The following ASB4 variants were observed in gnomAD, a reference collection of about 807,000 sequenced individuals.
The protein encoded by ASB4 is ankyrin repeat and SOCS box protein 4.
Under a neutral mutation model 38.6 loss-of-function variants are expected in ASB4, and 35 were observed. The ratio of observed to expected loss-of-function variants is 0.91; its 90% confidence interval spans 0.69 to 1.20. The LOEUF is 1.20. Among genes scored for constraint, ASB4 ranks in the 50% most tolerant of loss-of-function variants. The pLI, the probability that ASB4 is intolerant of heterozygous loss-of-function variation, is 0.00. For synonymous variants in ASB4, 195 were observed against 201.3 expected (o/e 0.97, Z 0.26); for missense variants, 557 against 527.2 (o/e 1.06, Z -0.55).
chr7:95,511,662 C>CAAAA (rs534302628), intron 2 of ASB4, among the ~76,000 whole-genome samples: 3 of 134,006 alleles, frequency 2.2e-5, no homozygotes, highest in African/African-American at 8.2e-5. Context: ...AACTCCGTCT[C>CAAAA]AAAAAAAAAA....
chr7:95,515,211 TTCTTTCTTTCTTTCTTTCTTTTTC>T (rs1562816992), intron 2 of ASB4, among the ~76,000 whole-genome samples: 36 of 132,978 alleles, frequency 2.7e-4, no homozygotes, highest in African/African-American at 8.9e-4. Context: ...CTTTCTTTCT[TTCTTTCTTTCTTTCTTTCTTTTTC>T]TTTCTTTCTT....
At chr7:95,485,043 T>C (rs1790069462), upstream of ASB4, among the ~76,000 whole-genome samples, 1 of 147,336 alleles carries the variant, frequency 6.8e-6, no homozygotes, top group African/African-American at 2.5e-5. Flanking sequence ...TATGTATATA[T>C]ATGTGTATAT....
Position 95,538,075 on chromosome 7 carries a change from G to A in ASB4, c.*316G>A, listed in dbSNP as rs1790921025. 4.7e-6 allele frequency: 1 copy of A among 212,100 alleles called. No homozygotes were observed. Among genetic ancestry groups the A allele is most frequent in the African/African-American group, 2.3e-5 (1 of 44,060 alleles). The allele number at this position is 212,100 out of a possible 1,614,324, so 13.1% of individuals were successfully genotyped here. A position where few individuals can be genotyped will look rare whatever the true frequency, so the allele number is the denominator to read the frequency against. On this transcript the variant is annotated 3_prime_UTR_variant, in exon 5 of 5. Coordinates refer to ENST00000325885, the MANE Select transcript of ASB4 (RefSeq NM_016116.3). ...TTATATCTTATCTCATCTGAAATGGGACCCAGGTTTTCTTCCAACCAATAT... is the reference window on the plus strand; with the variant it reads ...TTATATCTTATCTCATCTGAAATGGAACCCAGGTTTTCTTCCAACCAATAT...
rs996212800 is a variant in ASB4, at chr7:95,496,129, C to T, written c.487+72C>T. 11 of 1,406,544 alleles carry T rather than the reference C, an allele frequency of 7.8e-6. No individual in the cohort carries two copies. In the South Asian group the frequency reaches 1.3e-4, roughly 16 times the overall value. The allele number at this position is 1,406,544 out of a possible 1,614,324, so 87.1% of individuals were successfully genotyped here. ...TGGTTTCAAGACTTTGTGACCCCTACCTACCCCAGATGATGTAGTAAGCAT... is the reference window on the plus strand; with the variant it reads ...TGGTTTCAAGACTTTGTGACCCCTATCTACCCCAGATGATGTAGTAAGCAT... On this transcript the variant is annotated intron_variant, in intron 2 of 4. Transcript: ENST00000325885.
chr7:95,527,785 A>G, intron 2 of ASB4, 28 bp from the exon 3 acceptor site: 2 of 1,562,228 alleles, frequency 1.3e-6, no homozygotes, highest in Non-Finnish European at 1.7e-6. Flanking sequence ...ATGTTTAAAT[A>G]ATTGTCTTCC....
In ASB4 at chr7:95,537,613, A is replaced by C; in HGVS notation, c.1135A>C (p.Asn379His). The C allele has an allele frequency of 6.2e-7, 1 of 1,612,890 alleles. No homozygotes were observed. Among genetic ancestry groups the C allele is most frequent in the East Asian group, 2.2e-5 (1 of 44,866 alleles). The change falls in exon 5 of 5, where the codon AAC becomes CAC. Residue 379 changes from asparagine to histidine, a missense_variant. Transcript: ENST00000325885. ...FYHSLFTVCC[N>H]SPRTLMHLSR... ...CCACTCTCTCTTTACTGTGTGCTGT[A>C]ACTCTCCAAGGACTCTCATGCACTT...
intron 1 of ASB4, among the ~76,000 whole-genome samples, chr7:95,493,507 G>C (rs1040658813): frequency 6.6e-6 from 1 of 151,918 alleles, no homozygotes. Context: ...CTTGTAAATA[G>C]CTTCTTTAAA....
intron 1 of ASB4, among the ~76,000 whole-genome samples, chr7:95,490,375 A>C (rs1252428561): frequency 6.6e-6 from 1 of 151,978 alleles, no homozygotes; most frequent in Non-Finnish European, 1.5e-5. Context: ...TACATTTTAC[A>C]CTTCAAACTT....
chr7:95,541,776 A>G (rs896383423), downstream of ASB4, among the ~76,000 whole-genome samples: 13 of 152,332 alleles, frequency 8.5e-5, no homozygotes, highest in Admixed American at 7.8e-4. Flanking sequence ...TGGGGGAAAG[A>G]GAAGGAGGAG....
chr7:95,473,718 C>G (rs111750902), upstream of ASB4: 1 of 151,166 alleles, frequency 6.6e-6, no homozygotes, highest in African/African-American at 2.4e-5. Flanking sequence ...ATTGAAGAAG[C>G]GGTTCCTGTT....
intron 2 of ASB4, among the ~76,000 whole-genome samples, chr7:95,505,559 T>C (rs1790395501): frequency 6.6e-6 from 1 of 152,146 alleles, no homozygotes; most frequent in Admixed American, 6.5e-5. Flanking sequence ...TCCAAATTAC[T>C]AAATAAATAC....
At chr7:95,472,981 A>C in the ASB4 span, among the ~76,000 whole-genome samples, 246 of 152,356 alleles carry the variant, frequency 1.6e-3, 12 homozygotes, top group South Asian at 0.049. Context: ...TCCACGCTCC[A>C]GCAGTTTGGC....
chr7:95,491,030 C>T (rs138170525), intron 1 of ASB4, among the ~76,000 whole-genome samples: 1 of 152,160 alleles, frequency 6.6e-6, no homozygotes, highest in East Asian at 1.9e-4. Flanking sequence ...AACATGGACA[C>T]TTTATACTAC....
chr7:95,511,974 C>T (rs1790488948), intron 2 of ASB4, among the ~76,000 whole-genome samples: 1 of 152,180 alleles, frequency 6.6e-6, no homozygotes, highest in South Asian at 2.1e-4. Context: ...TTGCCTTATT[C>T]TGTGGATCTC....
chr7:95,507,061 TTG>T (rs1408085664), intron 2 of ASB4, among the ~76,000 whole-genome samples: 1 of 152,198 alleles, frequency 6.6e-6, no homozygotes. Context: ...CTTATAATCC[TTG>T]GCTGTCTGCC....
At chr7:95,483,783 G>C (rs1790043829), upstream of ASB4, among the ~76,000 whole-genome samples, 1 of 151,958 alleles carries the variant, frequency 6.6e-6, no homozygotes, top group African/African-American at 2.4e-5. Flanking sequence ...TCTGACAAAT[G>C]GTAGATACTC....
intron 2 of ASB4, among the ~76,000 whole-genome samples, chr7:95,500,290 G>C (rs1790316638): frequency 6.6e-6 from 1 of 152,140 alleles, no homozygotes; most frequent in South Asian, 2.1e-4. Flanking sequence ...ATGTGGCTAG[G>C]AGCCGTGGCT....
chr7:95,491,548 G>A (rs2116582001), intron 1 of ASB4, among the ~76,000 whole-genome samples: 1 of 152,314 alleles, frequency 6.6e-6, no homozygotes, highest in East Asian at 1.9e-4. Context: ...AGGTTTCGAA[G>A]CCCTGGAAAA....
chr7:95,504,496 C>T (rs976297626), intron 2 of ASB4, among the ~76,000 whole-genome samples: 6 of 152,130 alleles, frequency 3.9e-5, no homozygotes, highest in Non-Finnish European at 5.9e-5. Context: ...TCATCTTCTG[C>T]GTTATACATT....
Sources: gnomAD v4.1 joint callset for allele counts (sites outside exome capture counted in the v4.1 genomes callset) on GRCh38, gnomAD v4.1.1 for gene constraint, MANE v1.5 for transcripts, NCBI Gene and HGNC (gene_info 2026-07-23, HGNC 2026-07-21) for gene names.